CEP170B: variants seen among roughly 807,000 people sequenced by gnomAD.
The protein encoded by CEP170B is centrosomal protein of 170 kDa protein B.
CEP170B carries 55 observed loss-of-function variants against 120.6 expected under a neutral mutation model. The observed-to-expected ratio is 0.46, with a 90% CI of 0.37 to 0.57. The LOEUF is 0.57. Ranked by LOEUF, CEP170B falls within the 20% of genes least tolerant of loss-of-function variation. The pLI is 0.00. For synonymous variants in CEP170B, 1,033 were observed against 954.5 expected (o/e 1.08, Z -1.52); for missense variants, 2,212 against 2,253.3 (o/e 0.98, Z 0.37).
rs1412368500 is a variant in CEP170B at position 104,880,441 on chromosome 14, G to A, written c.472+16G>A. 8 of 1,609,486 alleles carry A rather than the reference G, an allele frequency of 5.0e-6. No individual in the cohort carries two copies. Among genetic ancestry groups the A allele is most frequent in the Non-Finnish European group, 6.8e-6 (8 of 1,178,704 alleles). On this transcript the variant is annotated intron_variant, in intron 6 of 18. Transcript: ENST00000414716. ...CCAGGAACAGGTAGGCCCAGGCAGTGCGGATGGGGTGAGCACACAGGGCCA... is the reference window on the plus strand; with the variant it reads ...CCAGGAACAGGTAGGCCCAGGCAGTACGGATGGGGTGAGCACACAGGGCCA...
At chr14:104,894,262 C>A in intron 16 of CEP170B, 23 bp from the exon 17 acceptor site, 1 of 1,573,076 alleles carries the variant, frequency 6.4e-7, no homozygotes, top group Non-Finnish European at 8.7e-7. Context: ...CCCCCCATTT[C>A]TGCCTCCCCC....
At chr14:104,872,158 G>T (rs1895525709) in intron 2 of CEP170B, among the ~76,000 whole-genome samples, 1 of 148,722 alleles carries the variant, frequency 6.7e-6, no homozygotes, top group Admixed American at 6.7e-5. Flanking sequence ...GTGTGTGCGT[G>T]TGTGCCGCGT....
chr14:104,895,175 C>T lies in CEP170B; in HGVS notation c.*217C>T, dbSNP rs942205353. ...GCCCCATGGCCACCCCCACCCCTGC[C>T]TCGCCCCCTACAGGCCTCTGGGCCC... On this transcript the variant is annotated 3_prime_UTR_variant, in exon 19 of 19. Transcript: ENST00000414716. 3 of 539,994 alleles carry T rather than the reference C, an allele frequency of 5.6e-6. No homozygotes were observed. Among genetic ancestry groups the T allele is most frequent in the East Asian group, 3.3e-5 (1 of 30,552 alleles). 33.5% of individuals were successfully genotyped at this position (539,994 alleles called of 1,614,324 possible).
chr14:104,890,426 A>ATGGG (rs1896766896), intron 13 of CEP170B, among the ~76,000 whole-genome samples: 1 of 110,366 alleles, frequency 9.1e-6, no homozygotes, highest in African/African-American at 3.6e-5. Context: ...GGATGAATGG[A>ATGGG]TGAGTGAGTG....
intron 16 of CEP170B, 79 bp from the exon 17 acceptor site, chr14:104,894,206 G>A (rs1010292557): frequency 8.8e-7 from 1 of 1,131,912 alleles, no homozygotes; most frequent in Non-Finnish European, 1.3e-6. Flanking sequence ...CATGGCAGAG[G>A]AGGTCTGGGA....
Position 104,886,983 on chromosome 14 carries a change from A to AGGAGAC in CEP170B, c.2753_2758dup (p.Glu918_Thr919dup), listed in dbSNP as rs771291952. On this transcript the variant is annotated inframe_insertion, in exon 12 of 19. Coordinates refer to ENST00000414716, the MANE Select transcript of CEP170B (RefSeq NM_001112726.3). ...TCCCAGGACACCCACCTGATCTTGA[A>AGGAGAC]GGAGACGGAGACGGCCCTGGCGGCC... is the stretch of plus-strand genomic sequence containing the variant. 3.7e-5 allele frequency: 60 copies of AGGAGAC among 1,609,082 alleles called. No homozygotes were observed. Among genetic ancestry groups the AGGAGAC allele is most frequent in the East Asian group, 6.7e-5 (3 of 44,884 alleles).
chr14:104,888,827 G>A (rs1896648997), intron 12 of CEP170B, among the ~76,000 whole-genome samples: 1 of 152,254 alleles, frequency 6.6e-6, no homozygotes, highest in Non-Finnish European at 1.5e-5. Flanking sequence ...CGTATGGCTG[G>A]AGGCTGAGGC....
At position 104,876,175 on chromosome 14, in the gene CEP170B, G is replaced by T. The variant is rs572405735; in HGVS notation, c.106-81G>T. On this transcript the variant is annotated intron_variant, in intron 2 of 18. Transcript: ENST00000414716. The stretch of plus-strand genomic sequence containing the variant: ...ACTGCTGGTGTTGTGCTGGGGCAGG[G>T]GATGGAGCAGGGGTGCCTCTGCCTC... 2,371 of 1,301,524 alleles carry T rather than the reference G, an allele frequency of 1.8e-3. 6 individuals are homozygous for T. Among genetic ancestry groups the T allele is most frequent in the Non-Finnish European group, 2.3e-3 (2,145 of 925,856 alleles). 80.6% of individuals were successfully genotyped at this position (1,301,524 alleles called of 1,614,324 possible).
In CEP170B at chr14:104,868,537, G is replaced by C; in HGVS notation, c.87G>C (p.Glu29Asp). Residue 29 changes from glutamate (E) to aspartate (D), a missense_variant, in exon 2 of 19, where the codon GAG (glutamate) becomes GAC (aspartate). By Grantham distance (45) the Glu-to-Asp change is conservative. This residue lies in a region of CEP170B where 46 missense variants were observed against 86.6 expected (regional missense o/e 0.53). Transcript: ENST00000414716. The surrounding 1 kb of genome is among the most constrained non-coding windows in gnomAD (Gnocchi z 5.9). ...PRELIFVGRE[E>D]CELMLQSRSV... ...AGCTCATCTTCGTGGGGCGTGAGGA[G>C]TGTGAGCTCATGCTACAGGTTTGCA... is the stretch of plus-strand genomic sequence containing the variant. 1 of 1,549,710 alleles carries C rather than the reference G, an allele frequency of 6.5e-7. No homozygotes were observed. Among genetic ancestry groups the C allele is most frequent in the Non-Finnish European group, 8.7e-7 (1 of 1,146,882 alleles).
chr14:104,892,946 A>G (rs1896913823), intron 13 of CEP170B, 30 bp from the exon 14 acceptor site: 1 of 1,551,780 alleles, frequency 6.4e-7, no homozygotes, highest in Non-Finnish European at 8.7e-7. Flanking sequence ...TCCTCTGTGC[A>G]GAACCTGCCG....
At chr14:104,874,898 C>T (rs914986911) in intron 2 of CEP170B, among the ~76,000 whole-genome samples, 6 of 152,192 alleles carry the variant, frequency 3.9e-5, no homozygotes, top group African/African-American at 1.4e-4. Context: ...CTGCAGCTTC[C>T]CTGCCCTGGC....
chr14:104,886,411 G>A lies in CEP170B; in HGVS notation c.2172G>A (p.Gly724=), dbSNP rs1468826392. ...AGAGCAGCAGGAGGAGTGGGCCTGG[G>A]CCACCGGAGCTGGACAGTGAGCAGC... ...GPESSRRSGP[G]PPELDSEQPS... is the part of the protein sequence containing the mutation. Residue 724 remains glycine, a synonymous_variant, in exon 12 of 19, where the codon GGG becomes GGA. Coordinates refer to ENST00000414716, the MANE Select transcript of CEP170B (RefSeq NM_001112726.3). 6.3e-7 allele frequency: 1 copy of A among 1,580,762 alleles called. No homozygotes were observed. Among genetic ancestry groups the A allele is most frequent in the Non-Finnish European group, 8.6e-7 (1 of 1,164,912 alleles).
chr14:104,889,571 G>A (rs1000566363), intron 12 of CEP170B, 49 bp from the exon 13 acceptor site: 22 of 1,602,962 alleles, frequency 1.4e-5, no homozygotes, highest in East Asian at 4.5e-5. Flanking sequence ...GGAGGAGTAC[G>A]GCTCCCGCCA....
Position 104,886,810 on chromosome 14 carries a change from C to T in CEP170B, c.2571C>T (p.Asp857=), listed in dbSNP as rs371490413. The change falls in exon 12 of 19, where the codon GAC becomes GAT. Residue 857 remains aspartate, a synonymous_variant. Coordinates refer to ENST00000414716, the MANE Select transcript of CEP170B (RefSeq NM_001112726.3). ...GGCCTGGACGGTCCCCAGAACCCGACGGCCCTGCCCCAGCCTTTCTCCGGC... is the reference window on the plus strand; with the variant it reads ...GGCCTGGACGGTCCCCAGAACCCGATGGCCCTGCCCCAGCCTTTCTCCGGC... ...QLRPGRSPEP[D]GPAPAFLRQE... is the part of the protein sequence containing the mutation. 2.7e-5 allele frequency: 44 copies of T among 1,611,196 alleles called. No individual in the cohort carries two copies. Among genetic ancestry groups the T allele is most frequent in the East Asian group, 6.7e-5 (3 of 44,892 alleles).
intron 6 of CEP170B, 134 bp downstream of exon 6, chr14:104,880,559 C>T: frequency 7.6e-7 from 1 of 1,319,898 alleles, no homozygotes; most frequent in Non-Finnish European, 1.0e-6. Flanking sequence ...ACCCTTTGCA[C>T]ACACCTACCC....
intron 11 of CEP170B, 35 bp from the exon 12 acceptor site, chr14:104,886,240 G>A (rs1430381991): frequency 6.7e-7 from 1 of 1,484,478 alleles, no homozygotes. Flanking sequence ...CTGCAGACCA[G>A]CGGCCCTCTA....
Position 104,887,463 on chromosome 14 carries a change from G to A in CEP170B, c.3224G>A (p.Arg1075Gln), listed in dbSNP as rs925692573. The change falls in exon 12 of 19, where the codon CGG becomes CAG. Residue 1075 changes from arginine (R) to glutamine (Q), a missense_variant. By Grantham distance (43) the Arg-to-Gln change is conservative. This residue lies in a region of CEP170B where 2,166 missense variants were observed against 2,166.7 expected (regional missense o/e 1.00). Coordinates refer to ENST00000414716, the MANE Select transcript of CEP170B (RefSeq NM_001112726.3). The part of the protein sequence containing the change: ...HETPEATGAG[R>Q]LGSRRKPAAP... ...ACCCCTGAGGCCACCGGGGCAGGAC[G>A]GCTAGGTTCTCGCCGGAAACCAGCG... 3.1e-6 allele frequency: 5 copies of A among 1,611,724 alleles called. No homozygotes were observed. Among genetic ancestry groups the A allele is most frequent in the East Asian group, 2.2e-5 (1 of 44,880 alleles).
chr14:104,893,901 T>A, intron 16 of CEP170B, 52 bp downstream of exon 16: 1 of 1,522,786 alleles, frequency 6.6e-7, no homozygotes, highest in Non-Finnish European at 9.0e-7. Flanking sequence ...CACAGCTGCA[T>A]GAGCTGAGAC....
chr14:104,886,604 C>G lies in CEP170B; in HGVS notation c.2365C>G (p.Pro789Ala), dbSNP rs548899578. The change falls in exon 12 of 19, where the codon CCC (proline) becomes GCC (alanine). Residue 789 changes from proline (P) to alanine (A), a missense_variant. Pro to Ala is a conservative substitution (Grantham distance 27, BLOSUM62 -1). This residue lies in a region of CEP170B where 2,166 missense variants were observed against 2,166.7 expected (regional missense o/e 1.00). Coordinates refer to ENST00000414716, the MANE Select transcript of CEP170B (RefSeq NM_001112726.3). ...WSRGRRSPRA[P>A]GEPTPASFFI... ...CAGGGGTCGGCGCTCACCAAGGGCC[C>G]CCGGGGAGCCAACTCCCGCCTCTTT... 1 of 1,519,114 alleles carries G rather than the reference C, an allele frequency of 6.6e-7. No individual in the cohort carries two copies. Among genetic ancestry groups the G allele is most frequent in the South Asian group, 1.3e-5 (1 of 75,242 alleles). 94.1% of individuals were successfully genotyped at this position (1,519,114 alleles called of 1,614,324 possible). A position where few individuals can be genotyped will look rare whatever the true frequency, so the allele number is the denominator to read the frequency against.
Sources: allele counts gnomAD v4.1 joint callset (sites outside exome capture counted in the v4.1 genomes callset), GRCh38; gene constraint gnomAD v4.1.1; regional missense constraint gnomAD v4.1.1; non-coding constraint Gnocchi (gnomAD v3.1); transcripts MANE v1.5; gene names NCBI Gene and HGNC (gene_info 2026-07-23, HGNC 2026-07-21).